The following BTN3A2 variants were observed in gnomAD, a reference collection of about 807,000 sequenced individuals.
BTN3A2 encodes the protein butyrophilin subfamily 3 member A2, also known as butyrophilin protein.
A neutral mutation model predicts 37.6 loss-of-function variants in BTN3A2; 25 were observed. The observed-to-expected ratio is 0.66, with a 90% CI of 0.48 to 0.93. BTN3A2 has a LOEUF of 0.93. Ranked by LOEUF, BTN3A2 falls within the 40% of genes least tolerant of loss-of-function variation. BTN3A2 has a pLI of 0.00. For synonymous variants in BTN3A2, 122 were observed against 159.4 expected, an observed-to-expected ratio of 0.77 and a Z score of 1.77; for missense variants, 266 against 410.9, an observed-to-expected ratio of 0.65 and a Z score of 3.05.
Position 26,376,993 on chromosome 6 carries a change from G to A in BTN3A2, c.*1231G>A. On this transcript the variant is annotated 3_prime_UTR_variant, in exon 11 of 11. Transcript: ENST00000377708. ...ATCTCGTTCTACAATGCCACGGATG[G>A]ATCTCATATCTACACATTTCTGCAC... 2 of 1,485,662 alleles carry A rather than the reference G, an allele frequency of 1.3e-6. No homozygotes were observed. Among genetic ancestry groups the A allele is most frequent in the Non-Finnish European group, 1.9e-6 (2 of 1,065,138 alleles). The allele number at this position is 1,485,662 out of a possible 1,614,324, so 92.0% of individuals were successfully genotyped here.
At chr6:26,374,421 C>CGGG in intron 9 of BTN3A2, 48 bp downstream of exon 9, 2 of 1,550,576 alleles carry the variant, frequency 1.3e-6, no homozygotes, top group Non-Finnish European at 1.8e-6. Flanking sequence ...TTTTTCTCCA[C>CGGG]TGTGACCCGT....
rs541952896 is a variant in BTN3A2 at position 26,377,684 on chromosome 6, C to T, written c.*1922C>T. The T allele has an allele frequency of 3.7e-4, 66 of 177,940 alleles. No homozygotes were observed. Among genetic ancestry groups the T allele is most frequent in the Non-Finnish European group, 7.0e-4 (58 of 82,738 alleles). The allele number at this position is 177,940 out of a possible 1,614,324, so 11.0% of individuals were successfully genotyped here. A position where few individuals can be genotyped will look rare whatever the true frequency, so the allele number is the denominator to read the frequency against. Reference sequence around the variant, plus strand: ...CCCTGGCCAATTGCCCGTTCTTTTCCAGCCTGATTTTTCCTGCATGGGAAG... The same window carrying T: ...CCCTGGCCAATTGCCCGTTCTTTTCTAGCCTGATTTTTCCTGCATGGGAAG... On this transcript the variant is annotated 3_prime_UTR_variant, in exon 11 of 11. Coordinates refer to ENST00000377708, the MANE Select transcript of BTN3A2 (RefSeq NM_007047.5).
intron 5 of BTN3A2, among the ~76,000 whole-genome samples, chr6:26,372,223 T>C (rs1760187827): frequency 6.6e-6 from 1 of 151,022 alleles, no homozygotes; most frequent in Admixed American, 6.6e-5. Flanking sequence ...AAGAATATAT[T>C]TTAATTTACT....
At chr6:26,372,118 A>G (rs1458537003) in intron 5 of BTN3A2, among the ~76,000 whole-genome samples, 3 of 152,240 alleles carry the variant, frequency 2.0e-5, no homozygotes, top group African/African-American at 7.2e-5. Context: ...CTATACTAAT[A>G]TGGAAAGATC....
chr6:26,371,902 C>T (rs1421188213), intron 5 of BTN3A2, among the ~76,000 whole-genome samples: 2 of 152,186 alleles, frequency 1.3e-5, no homozygotes, highest in Admixed American at 1.3e-4. Context: ...TGGTCTCAAA[C>T]TCCTGACCTC....
chr6:26,375,260 T>A, intron 10 of BTN3A2: 1 of 256,216 alleles, frequency 3.9e-6, no homozygotes, highest in Non-Finnish European at 7.4e-6. Context: ...AAAGAAGGGT[T>A]AAGGGAAAGC....
intron 5 of BTN3A2, chr6:26,372,598 A>G: frequency 3.0e-6 from 1 of 334,106 alleles, no homozygotes. Context: ...GTAGTTTTGA[A>G]CGATGTAAAT....
At chr6:26,374,711 T>C in intron 9 of BTN3A2, 60 bp from the exon 10 acceptor site, 1 of 1,453,744 alleles carries the variant, frequency 6.9e-7, no homozygotes, top group South Asian at 1.2e-5. Context: ...GAGAGGAGAA[T>C]GGAGTGGGAA....
At chr6:26,374,967 G>T (rs1025571207) in intron 10 of BTN3A2, 169 bp downstream of exon 10, 43 of 609,652 alleles carry the variant, frequency 7.1e-5, no homozygotes, top group South Asian at 1.2e-4. Flanking sequence ...GACACACACT[G>T]AGTAATACTG....
intron 3 of BTN3A2, 141 bp from the exon 4 acceptor site, chr6:26,368,424 A>T: frequency 1.3e-6 from 2 of 1,539,298 alleles, no homozygotes; most frequent in Non-Finnish European, 1.8e-6. Flanking sequence ...CACCTGTCAC[A>T]AAGAGACAAA....
At chr6:26,374,740 CT>C in intron 9 of BTN3A2, 30 bp from the exon 10 acceptor site, 1 of 1,520,316 alleles carries the variant, frequency 6.6e-7, no homozygotes, top group Admixed American at 1.7e-5. Context: ...AAATACTGAC[CT>C]TTTTCTTATC....
rs1363776104 is a variant in BTN3A2 at position 26,374,104 on chromosome 6, C to A, written c.965-223C>A. ...AGGAACTCTCACAGTGCCTGCCCTG[C>A]CACTAGCGTTCAACCGATGTTCCCA... On this transcript the variant is annotated intron_variant, in intron 8 of 10. Coordinates refer to ENST00000377708, the MANE Select transcript of BTN3A2 (RefSeq NM_007047.5). 5 of 487,240 alleles carry A rather than the reference C, an allele frequency of 1.0e-5. 1 individual carries two copies. The allele number at this position is 487,240 out of a possible 1,614,324, so 30.2% of individuals were successfully genotyped here.
In BTN3A2 at chr6:26,375,762, C is replaced by T. The variant is rs1013474403; in HGVS notation, c.*35-35C>T. ...TAAATAATATGATTGCCTTCTACAG[C>T]GCTAGAGATTCATATGTTTATCCCC... On this transcript the variant is annotated intron_variant, in intron 10 of 10. Coordinates refer to ENST00000377708, the MANE Select transcript of BTN3A2 (RefSeq NM_007047.5). 1.0e-4 allele frequency: 162 copies of T among 1,549,260 alleles called. No homozygotes were observed. The African/African-American group carries it at 1.2e-3, about 12-fold the overall frequency.
intron 1 of BTN3A2, 31 bp downstream of exon 1, chr6:26,365,383 C>T (rs938523692): frequency 6.5e-7 from 1 of 1,535,552 alleles, no homozygotes; most frequent in African/African-American, 1.4e-5. Flanking sequence ...AGAGCCTGGG[C>T]TACAACGCAT....
intron 9 of BTN3A2, 58 bp from the exon 10 acceptor site, chr6:26,374,713 G>A: frequency 6.8e-7 from 1 of 1,461,582 alleles, no homozygotes; most frequent in Non-Finnish European, 9.5e-7. Flanking sequence ...GAGGAGAATG[G>A]AGTGGGAAAA....
intron 3 of BTN3A2, 103 bp from the exon 4 acceptor site, chr6:26,368,462 C>T (rs1460091344): frequency 1.9e-6 from 3 of 1,568,412 alleles, no homozygotes; most frequent in Non-Finnish European, 2.6e-6. Flanking sequence ...TTGTGTTCCC[C>T]TCTAGGTTCT....
At chr6:26,375,417 G>T in intron 10 of BTN3A2, 2 of 456,700 alleles carry the variant, frequency 4.4e-6, no homozygotes, top group South Asian at 8.0e-5. Context: ...AAGAGTCCTC[G>T]GGCCTTGTTA....
At chr6:26,368,076 T>C in intron 2 of BTN3A2, 26 bp downstream of exon 2, 1 of 1,578,210 alleles carries the variant, frequency 6.3e-7, no homozygotes, top group Non-Finnish European at 8.6e-7. Flanking sequence ...GTCACCATAT[T>C]TGAGTTAGCC....
chr6:26,377,397 A>G lies in BTN3A2; in HGVS notation c.*1635A>G. The G allele has an allele frequency of 1.9e-6, 1 of 514,646 alleles. No individual in the cohort carries two copies. Among genetic ancestry groups the G allele is most frequent in the South Asian group, 2.0e-5 (1 of 49,750 alleles). 31.9% of individuals were successfully genotyped at this position (514,646 alleles called of 1,614,324 possible). A position where few individuals can be genotyped will look rare whatever the true frequency, so the allele number is the denominator to read the frequency against. On this transcript the variant is annotated 3_prime_UTR_variant, in exon 11 of 11. Coordinates refer to ENST00000377708, the MANE Select transcript of BTN3A2 (RefSeq NM_007047.5). The stretch of plus-strand genomic sequence containing the variant: ...TACAGATAAGGAAACTGGGGTGTAG[A>G]AAAGTGTATTGACTTTACAAAGCAG...
Sources: allele counts gnomAD v4.1 joint callset (sites outside exome capture counted in the v4.1 genomes callset), GRCh38; gene constraint gnomAD v4.1.1; transcripts MANE v1.5; gene names NCBI Gene and HGNC (gene_info 2026-07-23, HGNC 2026-07-21).